The following MYO9B variants were observed in gnomAD, a reference collection of about 807,000 sequenced individuals.
MYO9B encodes unconventional myosin-IXb.
In MYO9B, 71 loss-of-function variants were observed where a neutral mutation model predicts 229.5. That is an observed-to-expected ratio of 0.31 (90% confidence interval 0.26 to 0.38). The LOEUF (loss-of-function observed/expected upper bound fraction) is 0.38. Ranked by LOEUF, MYO9B falls within the 10% of genes least tolerant of loss-of-function variation. The pLI is 1.00. For missense variants in MYO9B, 2,255 were observed against 2,920.5 expected (o/e 0.77, Z 5.25); for synonymous variants, 1,185 against 1,235.8 (o/e 0.96, Z 0.86).
At chr19:17,085,707 C>T (rs1379786144) in intron 1 of MYO9B, among the ~76,000 whole-genome samples, 1 of 151,758 alleles carries the variant, frequency 6.6e-6, no homozygotes, top group African/African-American at 2.4e-5. Flanking sequence ...GGACTTGCAC[C>T]TGTAGTCCCA....
At position 17,213,091 on chromosome 19, in the gene MYO9B, C is replaced by A. The variant is rs1430338163; in HGVS notation, c.*781C>A. 6.6e-6 allele frequency: 1 copy of A among 152,306 alleles called. No individual in the cohort carries two copies. Among genetic ancestry groups the A allele is most frequent in the Non-Finnish European group, 1.5e-5 (1 of 68,090 alleles). 9.4% of individuals were successfully genotyped at this position (152,306 alleles called of 1,614,324 possible). On this transcript the variant is annotated 3_prime_UTR_variant, in exon 40 of 40. Coordinates refer to ENST00000682292, the MANE Select transcript of MYO9B (RefSeq NM_004145.4). ...CGTGTGACAGAATAGGAGCCAGCGA[C>A]TCAGGACTGCTCACGGGTCAGGAGG...
At chr19:17,088,730 G>A (rs994285303) in intron 1 of MYO9B, among the ~76,000 whole-genome samples, 3 of 152,116 alleles carry the variant, frequency 2.0e-5, no homozygotes, top group Admixed American at 6.6e-5. Flanking sequence ...TGTCTCTGTT[G>A]CCCAGGCTGG....
At chr19:17,202,084 C>T in intron 27 of MYO9B, 46 bp from the exon 28 acceptor site, 1 of 1,611,996 alleles carries the variant, frequency 6.2e-7, no homozygotes, top group South Asian at 1.1e-5. Flanking sequence ...TCATTCCCAT[C>T]CGCCCCTTGC....
intron 2 of MYO9B, among the ~76,000 whole-genome samples, chr19:17,145,010 A>ACTG (rs1161547988): frequency 6.7e-6 from 1 of 149,644 alleles, no homozygotes; most frequent in Non-Finnish European, 1.5e-5. Context: ...AAAAATAGAG[A>ACTG]CTGGGCACAG....
At chr19:17,114,072 G>A (rs762012730) in intron 2 of MYO9B, among the ~76,000 whole-genome samples, 1 of 151,980 alleles carries the variant, frequency 6.6e-6, no homozygotes, top group Non-Finnish European at 1.5e-5. Context: ...TAGCACCCCC[G>A]CCCCTAGTCC....
At chr19:17,142,171 A>AG (rs1395330397) in intron 2 of MYO9B, among the ~76,000 whole-genome samples, 1 of 151,554 alleles carries the variant, frequency 6.6e-6, no homozygotes, top group East Asian at 1.9e-4. Context: ...CCTTTTAAAA[A>AG]AAAAAAAAGA....
Position 17,152,533 on chromosome 19 carries a change from A to G in MYO9B, c.936-111A>G, listed in dbSNP as rs571240460. On this transcript the variant is annotated intron_variant, in intron 3 of 39. Coordinates refer to ENST00000682292, the MANE Select transcript of MYO9B (RefSeq NM_004145.4). ...AGCCGAGATTGTGCCGTTGTACTCC[A>G]GCCTGAACAACAGAGCGAGACTCCC... 92 of 828,928 alleles carry G rather than the reference A, an allele frequency of 1.1e-4. No homozygotes were observed. The South Asian group carries it at 1.5e-3, about 14-fold the overall frequency. 51.3% of individuals were successfully genotyped at this position (828,928 alleles called of 1,614,324 possible).
At chr19:17,137,635 A>G (rs1599360396) in intron 2 of MYO9B, among the ~76,000 whole-genome samples, 1 of 152,002 alleles carries the variant, frequency 6.6e-6, no homozygotes, top group Non-Finnish European at 1.5e-5. Context: ...GAGTAGTGTG[A>G]CCCGCACATG....
intron 2 of MYO9B, among the ~76,000 whole-genome samples, chr19:17,125,412 T>G (rs1379933278): frequency 6.6e-6 from 1 of 151,886 alleles, no homozygotes; most frequent in Admixed American, 6.6e-5. Flanking sequence ...AAGCCTGGTT[T>G]GTTCTGTATT....
chr19:17,154,551 G>T, intron 6 of MYO9B, 136 bp downstream of exon 6: 1 of 592,324 alleles, frequency 1.7e-6, no homozygotes, highest in East Asian at 2.8e-5. Context: ...CCGCCATAGG[G>T]AGTGTGGCCC....
At chr19:17,108,812 G>A (rs972450151) in intron 2 of MYO9B, among the ~76,000 whole-genome samples, 2 of 151,896 alleles carry the variant, frequency 1.3e-5, no homozygotes, top group Non-Finnish European at 2.9e-5. Context: ...TGCCTCCTGG[G>A]TTTGATTCTC....
At chr19:17,130,440 A>C (rs1218887790) in intron 2 of MYO9B, among the ~76,000 whole-genome samples, 1 of 151,934 alleles carries the variant, frequency 6.6e-6, no homozygotes, top group Non-Finnish European at 1.5e-5. Context: ...ACACAGTGAA[A>C]CCCTGTCTCT....
chr19:17,118,027 C>T (rs1221556680), intron 2 of MYO9B, among the ~76,000 whole-genome samples: 1 of 151,774 alleles, frequency 6.6e-6, no homozygotes, highest in Non-Finnish European at 1.5e-5. Context: ...CTGATTCTGC[C>T]ATCGGTTGAT....
chr19:17,102,670 G>A, intron 2 of MYO9B, 113 bp downstream of exon 2: 1 of 1,393,292 alleles, frequency 7.2e-7, no homozygotes, highest in Non-Finnish European at 9.4e-7. Context: ...GAAGGCTGAG[G>A]GAGGAGGATT....
chr19:17,091,209 G>A (rs1250506338), intron 1 of MYO9B, among the ~76,000 whole-genome samples: 1 of 151,840 alleles, frequency 6.6e-6, no homozygotes, highest in East Asian at 1.9e-4. Context: ...TCCATGTTTG[G>A]AAGCAGTTTT....
chr19:17,132,838 CTTTT>C (rs1181746122), intron 2 of MYO9B, among the ~76,000 whole-genome samples: 4 of 148,590 alleles, frequency 2.7e-5, no homozygotes, highest in Admixed American at 2.0e-4. Flanking sequence ...TATTTTATTT[CTTTT>C]TTATTTATTT....
chr19:17,164,114 C>T (rs1331571974), intron 10 of MYO9B, among the ~76,000 whole-genome samples: 3 of 152,150 alleles, frequency 2.0e-5, no homozygotes, highest in African/African-American at 7.2e-5. Flanking sequence ...GTTGCACACC[C>T]AGCCCAAAGG....
Position 17,212,170 on chromosome 19 carries a change from A to C in MYO9B, c.6334A>C (p.Ile2112Leu), listed in dbSNP as rs752753011. The C allele has an allele frequency of 3.8e-6, 6 of 1,582,760 alleles. No individual in the cohort carries two copies. In the Admixed American group the frequency reaches 9.1e-5, roughly 24 times the overall value. ...CCCGGACCAGATACATTCCGTGTAC[A>C]TCACGCCCGGGGCAGACCTGCCAGT... ...RRPDQIHSVY[I>L]TPGADLPVQG... The change falls in exon 40 of 40, where the codon ATC becomes CTC. Residue 2112 changes from isoleucine (I) to leucine (L), a missense_variant. Physicochemically the swap from Ile to Leu is conservative, Grantham distance 5. This residue lies in a region of MYO9B where 331 missense variants were observed against 332.5 expected (regional missense o/e 1.00). Transcript: ENST00000682292. The surrounding 1 kb of genome is among the most constrained non-coding windows in gnomAD (Gnocchi z 5.4).
chr19:17,210,435 G>A, intron 37 of MYO9B, 55 bp downstream of exon 37: 1 of 1,504,416 alleles, frequency 6.6e-7, no homozygotes, highest in Non-Finnish European at 8.9e-7. Flanking sequence ...AGTGCATGCT[G>A]GGGTTCCCTG....
Sources: allele counts gnomAD v4.1 joint callset (sites outside exome capture counted in the v4.1 genomes callset), GRCh38; gene constraint gnomAD v4.1.1; regional missense constraint gnomAD v4.1.1; non-coding constraint Gnocchi (gnomAD v3.1); transcripts MANE v1.5; gene names NCBI Gene and HGNC (gene_info 2026-07-23, HGNC 2026-07-21).